The following KMT2A variants were observed in gnomAD, a reference collection of about 807,000 sequenced individuals.
KMT2A encodes the protein lysine methyltransferase 2A, also known as histone-lysine N-methyltransferase 2A.
A neutral mutation model predicts 345.3 loss-of-function variants in KMT2A; 16 were observed. That is an observed-to-expected ratio of 0.05 (90% CI 0.03 to 0.07). The LOEUF is 0.07. KMT2A is among the 10% of genes least tolerant of loss of function. The pLI is 1.00. For missense variants in KMT2A, 3,272 were observed against 4,841.6 expected, an observed-to-expected ratio of 0.68 and a Z score of 9.62; for synonymous variants, 1,599 against 1,778.6, an observed-to-expected ratio of 0.90 and a Z score of 2.54.
Position 118,494,629 on chromosome 11 carries a change from A to G in KMT2A, c.5290-65A>G. 7.1e-7 allele frequency: 1 copy of G among 1,410,550 alleles called. No homozygotes were observed. Among genetic ancestry groups the G allele is most frequent in the Non-Finnish European group, 9.9e-7 (1 of 1,006,564 alleles). 87.4% of individuals were successfully genotyped at this position (1,410,550 alleles called of 1,614,324 possible). On this transcript the variant is annotated intron_variant, in intron 17 of 35. Transcript: ENST00000534358. This position sits in a 1 kb window ranked among gnomAD's most constrained non-coding sequence, Gnocchi z 5.8. ...CGTATTAACAGAGAAGCTGGTTTGA[A>G]GATTTTTCATGTGGTATCTAAATGA...
At chr11:118,467,391 A>T (rs1437925075) in intron 1 of KMT2A, among the ~76,000 whole-genome samples, 1 of 152,106 alleles carries the variant, frequency 6.6e-6, no homozygotes, top group Non-Finnish European at 1.5e-5. Flanking sequence ...AAAAAAAAAA[A>T]ATTATAATAC....
chr11:118,468,972 A>G (rs1555034828), intron 2 of KMT2A, 128 bp downstream of exon 2: 2 of 553,002 alleles, frequency 3.6e-6, no homozygotes, highest in African/African-American at 2.0e-5. Flanking sequence ...GATGAGCTAG[A>G]CTTCTTTTTA....
intron 1 of KMT2A, among the ~76,000 whole-genome samples, chr11:118,456,027 A>G (rs1185173907): frequency 3.3e-5 from 5 of 151,636 alleles, no homozygotes; most frequent in Admixed American, 6.6e-5. Flanking sequence ...TTTTTTTTAG[A>G]CAAGTCATCT....
chr11:118,481,608 A>C, intron 6 of KMT2A, 107 bp from the exon 7 acceptor site: 1 of 1,194,666 alleles, frequency 8.4e-7, no homozygotes, highest in Non-Finnish European at 1.2e-6. Context: ...TTATTTTGGT[A>C]TATACCTAGC....
In KMT2A at chr11:118,494,896, T is replaced by C; in HGVS notation, c.5363+129T>C. 1.4e-6 allele frequency: 1 copy of C among 718,820 alleles called. No homozygotes were observed. The highest frequency in any genetic ancestry group is 2.5e-5 in the Admixed American group (1 of 39,630). The allele number at this position is 718,820 out of a possible 1,614,324, so 44.5% of individuals were successfully genotyped here. ...TGAATTGGTTGAAATGCCTTTTCGG[T>C]GTGGTTTTGAGGACTACATTTAATG... On this transcript the variant is annotated intron_variant, in intron 18 of 35. Transcript: ENST00000534358. The surrounding 1 kb of genome is among the most constrained non-coding windows in gnomAD (Gnocchi z 5.8).
Position 118,505,908 on chromosome 11 carries a change from C to A in KMT2A, c.10016C>A (p.Ser3339Tyr), listed in dbSNP as rs782764234. The A allele has an allele frequency of 6.2e-7, 1 of 1,614,194 alleles. No individual in the cohort carries two copies. Among genetic ancestry groups the A allele is most frequent in the Admixed American group, 1.7e-5 (1 of 60,028 alleles). ...LTSGSVSGLASSSSVLNVVSM... is the reference protein window; with the variant it reads ...LTSGSVSGLAYSSSVLNVVSM... The stretch of plus-strand genomic sequence containing the variant: ...TCAGGGTCTGTGTCTGGCTTGGCAT[C>A]CAGTTCCTCTGTCTTGAATGTTGTA... Residue 3339 changes from serine to tyrosine, a missense_variant, in exon 27 of 36, where the codon TCC (serine) becomes TAC (tyrosine). Coordinates refer to ENST00000534358, the MANE Select transcript of KMT2A (RefSeq NM_001197104.2). This position sits in a 1 kb window ranked among gnomAD's most constrained non-coding sequence, Gnocchi z 4.6.
At position 118,503,020 on chromosome 11, in the gene KMT2A, A is replaced by G. The variant is rs373020975; in HGVS notation, c.7128A>G (p.Arg2376=). Residue 2376 remains arginine (R), a synonymous_variant, in exon 27 of 36, where the codon AGA becomes AGG. Transcript: ENST00000534358. This position sits in a 1 kb window ranked among gnomAD's most constrained non-coding sequence, Gnocchi z 5.3. The stretch of plus-strand genomic sequence containing the variant: ...TCTCCTTCCCACACCTCCATTTGAG[A>G]GGGCAAAGGAATGATCGAGACCAAC... ...EALSFPHLHL[R]GQRNDRDQHT... The G allele has an allele frequency of 2.5e-6, 4 of 1,613,726 alleles. No homozygotes were observed. Among genetic ancestry groups the G allele is most frequent in the Non-Finnish European group, 3.4e-6 (4 of 1,179,998 alleles).
chr11:118,488,237 A>T (rs1950263168), intron 10 of KMT2A, among the ~76,000 whole-genome samples: 1 of 152,154 alleles, frequency 6.6e-6, no homozygotes, highest in African/African-American at 2.4e-5. Flanking sequence ...AATGGAAAGG[A>T]CAAACCAGAC....
chr11:118,441,323 T>G (rs879974015), intron 1 of KMT2A, among the ~76,000 whole-genome samples: 2 of 152,150 alleles, frequency 1.3e-5, no homozygotes, highest in African/African-American at 4.8e-5. Context: ...CTGGCATTAT[T>G]ATTAGGAGGA....
At chr11:118,466,009 G>C (rs1280180229) in intron 1 of KMT2A, among the ~76,000 whole-genome samples, 1 of 151,948 alleles carries the variant, frequency 6.6e-6, no homozygotes, top group Non-Finnish European at 1.5e-5. Flanking sequence ...CATGTTGTAG[G>C]TTAGTTATAT....
chr11:118,512,246 T>TCATCATCCC, intron 31 of KMT2A: 1 of 564,724 alleles, frequency 1.8e-6, no homozygotes, highest in South Asian at 2.4e-5. Context: ...TCTATAATTC[T>TCATCATCCC]AGAACATTCT....
intron 31 of KMT2A, 58 bp from the exon 32 acceptor site, chr11:118,519,560 C>A: frequency 6.7e-7 from 1 of 1,495,912 alleles, no homozygotes; most frequent in South Asian, 1.2e-5. Context: ...TTCTGTAGGA[C>A]CATGCTGTTT....
chr11:118,438,551 G>A (rs1313122903), intron 1 of KMT2A, among the ~76,000 whole-genome samples: 1 of 152,086 alleles, frequency 6.6e-6, no homozygotes, highest in African/African-American at 2.4e-5. Context: ...GAAACAGAAA[G>A]GGAAAGATAA....
chr11:118,473,826 G>T lies in KMT2A; in HGVS notation c.2667G>T (p.Arg889Ser). The T allele has an allele frequency of 6.2e-7, 1 of 1,614,210 alleles. No individual in the cohort carries two copies. The highest frequency in any genetic ancestry group is 8.5e-7 in the Non-Finnish European group (1 of 1,180,036). The change falls in exon 3 of 36, where the codon AGG becomes AGT. Residue 889 changes from arginine (R) to serine (S), a missense_variant. Around this residue, in one of 27 missense-constraint regions of KMT2A, gnomAD observed 209 missense variants for 237.4 expected, o/e 0.88. Transcript: ENST00000534358. The surrounding 1 kb of genome is among the most constrained non-coding windows in gnomAD (Gnocchi z 5.2). ...EREKENKRESRKEKRKKGSEI... is the reference protein window; with the variant it reads ...EREKENKRESSKEKRKKGSEI... ...AAAAGGAGAATAAGCGGGAGTCAAG[G>T]AAAGAGAAAAGGAAAAAGGGATCAG...
At chr11:118,487,437 T>G (rs148643334) in intron 10 of KMT2A, among the ~76,000 whole-genome samples, 1 of 152,308 alleles carries the variant, frequency 6.6e-6, no homozygotes, top group East Asian at 1.9e-4. Flanking sequence ...TTTTTTAAAC[T>G]TTTTATGTTG....
rs781868819 is a variant in KMT2A, at chr11:118,473,844, G to A, written c.2685G>A (p.Lys895=). Residue 895 remains lysine, a synonymous_variant, in exon 3 of 36, where the codon AAG becomes AAA. Coordinates refer to ENST00000534358, the MANE Select transcript of KMT2A (RefSeq NM_001197104.2). This position sits in a 1 kb window ranked among gnomAD's most constrained non-coding sequence, Gnocchi z 5.2. ...AGTCAAGGAAAGAGAAAAGGAAAAA[G>A]GGATCAGAAATTCAGAGTAGTTCTG... is the stretch of plus-strand genomic sequence containing the variant. ...KRESRKEKRK[K]GSEIQSSSAL... 30 of 1,614,060 alleles carry A rather than the reference G, an allele frequency of 1.9e-5. No homozygotes were observed. The African/African-American group carries it at 2.7e-4, about 14-fold the overall frequency.
chr11:118,509,772 T>TA (rs1565310010), intron 29 of KMT2A, among the ~76,000 whole-genome samples, 176 bp from the exon 30 acceptor site: 1 of 152,208 alleles, frequency 6.6e-6, no homozygotes, highest in African/African-American at 2.4e-5. Context: ...CACCACTTTC[T>TA]AGCAATGACC....
intron 1 of KMT2A, among the ~76,000 whole-genome samples, chr11:118,438,766 T>A (rs1295942887): frequency 1.3e-5 from 2 of 152,078 alleles, no homozygotes; most frequent in African/African-American, 4.8e-5. Context: ...TCCTTTTTTT[T>A]AATCGTTTCT....
Position 118,472,413 on chromosome 11 carries a change from C to T in KMT2A, c.1254C>T (p.Ser418=), listed in dbSNP as rs1555035880. 2 of 1,614,038 alleles carry T rather than the reference C, an allele frequency of 1.2e-6. No individual in the cohort carries two copies. The highest frequency in any genetic ancestry group is 1.6e-4 in the Middle Eastern group (1 of 6,062). The change falls in exon 3 of 36, where the codon TCC becomes TCT. Residue 418 remains serine (S), a synonymous_variant. Coordinates refer to ENST00000534358, the MANE Select transcript of KMT2A (RefSeq NM_001197104.2). ...QFIMPVVSAI[S]SRIIKTPRRF... ...TCATGCCTGTTGTCAGTGCTATCTC[C>T]TCGCGGATCATTAAGACCCCTCGGC...
Sources: allele counts gnomAD v4.1 joint callset (sites outside exome capture counted in the v4.1 genomes callset), GRCh38; gene constraint gnomAD v4.1.1; regional missense constraint gnomAD v4.1.1; non-coding constraint Gnocchi (gnomAD v3.1); transcripts MANE v1.5; gene names NCBI Gene and HGNC (gene_info 2026-07-23, HGNC 2026-07-21).